CRTAC1: variants seen among roughly 807,000 people sequenced by gnomAD.
The protein encoded by CRTAC1 is acidic secreted protein in cartilage.
In CRTAC1, 37 loss-of-function variants were observed where a neutral mutation model predicts 67.8. The observed-to-expected ratio is 0.55, with a 90% CI of 0.42 to 0.72. The LOEUF is 0.72. Ranked by LOEUF, CRTAC1 falls within the 30% of genes least tolerant of loss-of-function variation. The pLI, the probability that CRTAC1 is intolerant of heterozygous loss-of-function variation, is 0.00. For missense variants in CRTAC1, 780 were observed against 931.6 expected (o/e 0.84, Z 2.12); for synonymous variants, 348 against 371.0 (o/e 0.94, Z 0.71).
rs545736877 is a variant in CRTAC1, at chr10:97,922,610, C to T, written c.558+654G>A. On this transcript the variant is annotated intron_variant, in intron 4 of 14. Coordinates refer to ENST00000370597, the MANE Select transcript of CRTAC1 (RefSeq NM_018058.7). ...CTGCTGGGACCTAAGCCTGGGTGGG[C>T]GGCTGCCCCCTCACCGGGCAGATGG... Among the ~76,000 whole-genome samples the T allele has an allele frequency of 6.6e-5, 10 of 152,342 alleles. 1 individual carries two copies. Among genetic ancestry groups the T allele is most frequent in the East Asian group, 1.9e-4 (1 of 5,174 alleles).
At chr10:97,945,576 T>G (rs1385440071) in intron 2 of CRTAC1, among the ~76,000 whole-genome samples, 1 of 152,202 alleles carries the variant, frequency 6.6e-6, no homozygotes, top group Non-Finnish European at 1.5e-5. Flanking sequence ...TATATTAGTT[T>G]AAAGGAATAG....
At chr10:97,914,161 G>C (rs1009379365) in intron 5 of CRTAC1, among the ~76,000 whole-genome samples, 16 of 152,340 alleles carry the variant, frequency 1.1e-4, no homozygotes, top group African/African-American at 3.6e-4. Context: ...AGAGCAGAGA[G>C]ATGGACCCCA....
At chr10:98,006,310 C>T (rs185468292) in intron 2 of CRTAC1, among the ~76,000 whole-genome samples, 6 of 152,306 alleles carry the variant, frequency 3.9e-5, no homozygotes, top group Admixed American at 2.0e-4. Flanking sequence ...TGTGCGTGCA[C>T]GGAAGTTGCC....
chr10:97,909,551 C>T (rs938024121), intron 5 of CRTAC1, among the ~76,000 whole-genome samples: 1 of 152,080 alleles, frequency 6.6e-6, no homozygotes, highest in African/African-American at 2.4e-5. Flanking sequence ...ATATGAAAGA[C>T]TACATGTGTT....
At chr10:97,884,122 G>C in intron 12 of CRTAC1, 84 bp downstream of exon 12, 3 of 1,471,744 alleles carry the variant, frequency 2.0e-6, no homozygotes, top group Non-Finnish European at 2.7e-6. Flanking sequence ...TGAGTTTGCA[G>C]ATTCCTGGGA....
At chr10:98,006,738 C>G (rs1184049717) in intron 2 of CRTAC1, among the ~76,000 whole-genome samples, 4 of 152,202 alleles carry the variant, frequency 2.6e-5, no homozygotes, top group African/African-American at 4.8e-5. Context: ...GCTTTATAAA[C>G]TGAAGAGCTG....
intron 6 of CRTAC1, among the ~76,000 whole-genome samples, chr10:97,905,198 G>A (rs946078835): frequency 6.6e-6 from 1 of 152,158 alleles, no homozygotes; most frequent in Admixed American, 6.5e-5. Context: ...TTTTGCTTAA[G>A]CTGATCATGC....
intron 11 of CRTAC1, among the ~76,000 whole-genome samples, chr10:97,887,226 G>GTTTTT (rs2050299106): frequency 2.0e-5 from 2 of 100,006 alleles, no homozygotes; most frequent in African/African-American, 9.0e-5. Context: ...GCGGCACTTA[G>GTTTTT]GTTTTTTTTT....
intron 2 of CRTAC1, among the ~76,000 whole-genome samples, chr10:97,948,059 T>A (rs1342845395): frequency 6.7e-6 from 1 of 149,832 alleles, no homozygotes; most frequent in African/African-American, 2.5e-5. Context: ...ATTGAAATGA[T>A]AGTGCAGAAT....
intron 11 of CRTAC1, among the ~76,000 whole-genome samples, chr10:97,894,732 A>C (rs1590189258): frequency 3.5e-5 from 1 of 28,908 alleles, no homozygotes; most frequent in East Asian, 1.1e-3. Context: ...ATATATATAT[A>C]TATATATATA....
chr10:97,985,863 T>C (rs2051973098), intron 2 of CRTAC1, among the ~76,000 whole-genome samples: 1 of 152,066 alleles, frequency 6.6e-6, no homozygotes, highest in African/African-American at 2.4e-5. Flanking sequence ...AAATAAGAAC[T>C]CACTTTGTGA....
At chr10:97,965,035 T>C (rs915131268) in intron 2 of CRTAC1, among the ~76,000 whole-genome samples, 2 of 152,114 alleles carry the variant, frequency 1.3e-5, no homozygotes, top group Non-Finnish European at 2.9e-5. Context: ...CACAGATGAA[T>C]TGGAAGGTGA....
intron 2 of CRTAC1, among the ~76,000 whole-genome samples, chr10:97,941,608 G>A (rs560242406): frequency 4.6e-5 from 7 of 152,094 alleles, no homozygotes; most frequent in African/African-American, 1.2e-4. Flanking sequence ...AGGAACCTGC[G>A]TCAGACTTGG....
intron 2 of CRTAC1, among the ~76,000 whole-genome samples, chr10:97,940,184 A>G (rs191875043): frequency 1.4e-4 from 21 of 152,264 alleles, no homozygotes; most frequent in African/African-American, 5.1e-4. Flanking sequence ...CCTCACAACA[A>G]TCCTAGGACA....
chr10:97,994,056 C>T (rs766275410), intron 2 of CRTAC1, among the ~76,000 whole-genome samples: 16 of 152,076 alleles, frequency 1.1e-4, no homozygotes, highest in Non-Finnish European at 1.9e-4. Context: ...GGGGTTTCAC[C>T]GTGCTGGCCA....
chr10:97,999,889 A>G (rs531815038), intron 2 of CRTAC1, among the ~76,000 whole-genome samples: 1 of 152,322 alleles, frequency 6.6e-6, no homozygotes, highest in East Asian at 1.9e-4. Context: ...AGAGCGGCAG[A>G]GATGACTGAC....
intron 2 of CRTAC1, 51 bp from the exon 3 acceptor site, chr10:97,936,417 C>A: frequency 6.8e-7 from 1 of 1,475,394 alleles, no homozygotes; most frequent in Non-Finnish European, 9.3e-7. Context: ...TGGGCCCACC[C>A]AGTCCCATCC....
chr10:97,955,815 G>A (rs1018555647), intron 2 of CRTAC1, among the ~76,000 whole-genome samples: 2 of 152,178 alleles, frequency 1.3e-5, no homozygotes, highest in Non-Finnish European at 2.9e-5. Context: ...ATGGGTGCAC[G>A]GTGAGGAATT....
intron 11 of CRTAC1, among the ~76,000 whole-genome samples, chr10:97,890,168 G>A (rs2050348126): frequency 6.6e-6 from 1 of 152,104 alleles, no homozygotes; most frequent in South Asian, 2.1e-4. Context: ...CCAAGCTGGA[G>A]TACAGTGTTG....
Sources: allele counts gnomAD v4.1 joint callset (sites outside exome capture counted in the v4.1 genomes callset), GRCh38; gene constraint gnomAD v4.1.1; transcripts MANE v1.5; gene names NCBI Gene and HGNC (gene_info 2026-07-23, HGNC 2026-07-21).